The following MAP3K2 variants were observed in gnomAD, a reference collection of about 807,000 sequenced individuals.
MAP3K2 encodes MAP/ERK kinase kinase 2.
In MAP3K2, 24 loss-of-function variants were observed where a neutral mutation model predicts 80.3. The observed-to-expected ratio is 0.30, with a 90% CI of 0.22 to 0.42. MAP3K2 has a LOEUF of 0.42. Among genes scored for constraint, MAP3K2 ranks in the 10% least tolerant of loss-of-function variants. The pLI is 1.00. For synonymous variants in MAP3K2, 244 were observed against 253.7 expected, an observed-to-expected ratio of 0.96 and a Z score of 0.36; for missense variants, 608 against 750.1, an observed-to-expected ratio of 0.81 and a Z score of 2.21.
At chr2:127,385,998 C>T (rs916806789) in intron 1 of MAP3K2, among the ~76,000 whole-genome samples, 1 of 152,202 alleles carries the variant, frequency 6.6e-6, no homozygotes, top group African/African-American at 2.4e-5. Flanking sequence ...TAAGATTCAA[C>T]ATGTTTATAT....
At chr2:127,343,362 CA>C in intron 1 of MAP3K2, 168 bp from the exon 2 acceptor site, 2 of 460,848 alleles carry the variant, frequency 4.3e-6, no homozygotes, top group Non-Finnish European at 7.7e-6. Flanking sequence ...ATCATGTAGG[CA>C]CCCCCTTGCC....
At chr2:127,334,104 AAAAAAC>A (rs1157773740) in intron 5 of MAP3K2, among the ~76,000 whole-genome samples, 2 of 152,144 alleles carry the variant, frequency 1.3e-5, no homozygotes, top group African/African-American at 2.4e-5. Context: ...CGTCTCACAC[AAAAAAC>A]AAAAACAAAA....
chr2:127,384,919 G>A (rs1687317292), intron 1 of MAP3K2, among the ~76,000 whole-genome samples: 1 of 152,042 alleles, frequency 6.6e-6, no homozygotes, highest in African/African-American at 2.4e-5. Context: ...TTATAAGCGT[G>A]ACCCCATTAC....
In MAP3K2 at chr2:127,320,726, G is replaced by A. The variant is rs535887855; in HGVS notation, c.1045+1320C>T. 3.9e-5 allele frequency among the ~76,000 whole-genome samples: 6 copies of A among 152,310 alleles called. No homozygotes were observed. In the East Asian group the frequency reaches 1.2e-3, roughly 29 times the overall value. On this transcript the variant is annotated intron_variant, in intron 12 of 16. Transcript: ENST00000682094. ...GAAAGCAGCTGGGGCAGCTGTGGGG[G>A]AAGAAAGCATATTACATATGGAGGA... is the stretch of plus-strand genomic sequence containing the variant.
At chr2:127,362,140 A>G (rs1483630326) in intron 1 of MAP3K2, among the ~76,000 whole-genome samples, 1 of 152,254 alleles carries the variant, frequency 6.6e-6, no homozygotes, top group East Asian at 1.9e-4. Context: ...GTCATGTTAC[A>G]TACAAAAATA....
chr2:127,316,876 C>T (rs1490084609), intron 14 of MAP3K2: 1 of 152,140 alleles, frequency 6.6e-6, no homozygotes, highest in Non-Finnish European at 1.5e-5. Context: ...AATCCGCATG[C>T]TCATTTCGGC....
At chr2:127,359,136 C>T (rs1176583415) in intron 1 of MAP3K2, among the ~76,000 whole-genome samples, 1 of 152,114 alleles carries the variant, frequency 6.6e-6, no homozygotes, top group African/African-American at 2.4e-5. Context: ...CTATACTATA[C>T]AACACTGTAT....
intron 5 of MAP3K2, among the ~76,000 whole-genome samples, chr2:127,331,515 A>G (rs1243373865): frequency 6.6e-6 from 1 of 152,232 alleles, no homozygotes; most frequent in Non-Finnish European, 1.5e-5. Context: ...TGTCTAATAA[A>G]TCTCACAGTG....
chr2:127,380,063 T>G (rs1011464783), intron 1 of MAP3K2, among the ~76,000 whole-genome samples: 9 of 152,266 alleles, frequency 5.9e-5, no homozygotes, highest in Middle Eastern at 3.4e-3. Flanking sequence ...AACCAGTAAA[T>G]TCAAACCAAA....
Position 127,312,000 on chromosome 2 carries a change from C to A in MAP3K2, c.1456+2754G>T, listed in dbSNP as rs542541088. Among the ~76,000 whole-genome samples, 12 of 152,246 alleles carry A rather than the reference C, an allele frequency of 7.9e-5. 1 individual carries two copies. The highest frequency in any genetic ancestry group is 6.5e-4 in the Admixed American group (10 of 15,284). On this transcript the variant is annotated intron_variant, in intron 15 of 16. Transcript: ENST00000682094. Reference sequence around the variant, plus strand: ...GAATCATTTTAACATGCTCATCTGTCCTATATGTATATTACATAATTCTGT... The same window carrying A: ...GAATCATTTTAACATGCTCATCTGTACTATATGTATATTACATAATTCTGT...
intron 1 of MAP3K2, among the ~76,000 whole-genome samples, chr2:127,367,729 G>A (rs931831707): frequency 3.9e-5 from 6 of 152,130 alleles, no homozygotes; most frequent in African/African-American, 9.7e-5. Context: ...GGAGGCGGAC[G>A]TTGTGGTGAG....
intron 1 of MAP3K2, among the ~76,000 whole-genome samples, chr2:127,381,806 T>A (rs1348882719): frequency 6.6e-6 from 1 of 152,200 alleles, no homozygotes; most frequent in Non-Finnish European, 1.5e-5. Context: ...AAATCACTTA[T>A]TAGGTATTCT....
chr2:127,354,370 CA>C (rs1173397020), intron 1 of MAP3K2, among the ~76,000 whole-genome samples: 1 of 149,466 alleles, frequency 6.7e-6, no homozygotes, highest in Admixed American at 6.7e-5. Context: ...GTATTTATTA[CA>C]AACAGCCAAA....
intron 5 of MAP3K2, among the ~76,000 whole-genome samples, chr2:127,334,415 T>G (rs914789874): frequency 6.6e-6 from 1 of 152,088 alleles, no homozygotes; most frequent in Admixed American, 6.5e-5. Context: ...AGATAATAAT[T>G]CAAGTTCAAG....
chr2:127,341,377 A>C (rs1686483215), intron 2 of MAP3K2, among the ~76,000 whole-genome samples: 1 of 152,052 alleles, frequency 6.6e-6, no homozygotes, highest in African/African-American at 2.4e-5. Flanking sequence ...CCAGTTGAAC[A>C]AAACTTCCCA....
chr2:127,315,811 G>A (rs568579513), intron 14 of MAP3K2, among the ~76,000 whole-genome samples: 2 of 151,820 alleles, frequency 1.3e-5, no homozygotes, highest in Admixed American at 6.6e-5. Context: ...TCGGCTGGGC[G>A]TGGTGGCTCA....
At chr2:127,349,830 T>C (rs1213077038) in intron 1 of MAP3K2, among the ~76,000 whole-genome samples, 28 of 152,134 alleles carry the variant, frequency 1.8e-4, no homozygotes, top group Admixed American at 1.8e-3. Context: ...ATTTAGTATA[T>C]TCTCTTTCAA....
At chr2:127,350,515 T>TA (rs1250773659) in intron 1 of MAP3K2, among the ~76,000 whole-genome samples, 1 of 118,710 alleles carries the variant, frequency 8.4e-6, no homozygotes, top group Non-Finnish European at 1.9e-5. Flanking sequence ...GATAAACAAA[T>TA]AAATCAACAA....
At position 127,307,461 on chromosome 2, in the gene MAP3K2, C is replaced by A; in HGVS notation, c.*118G>T. The A allele has an allele frequency of 1.9e-6, 1 of 513,724 alleles. No homozygotes were observed. Among genetic ancestry groups the A allele is most frequent in the Non-Finnish European group, 3.4e-6 (1 of 292,034 alleles). The allele number at this position is 513,724 out of a possible 1,614,324, so 31.8% of individuals were successfully genotyped here. A position where few individuals can be genotyped will look rare whatever the true frequency, so the allele number is the denominator to read the frequency against. ...AACCAAGAATCAAGAGAAATACTTT[C>A]CCTCTTGTCTTTTTTCTCCCCCATC... On this transcript the variant is annotated 3_prime_UTR_variant, in exon 17 of 17. Transcript: ENST00000682094. This position sits in a 1 kb window ranked among gnomAD's most constrained non-coding sequence, Gnocchi z 5.4.
Sources: gnomAD v4.1 joint callset for allele counts (sites outside exome capture counted in the v4.1 genomes callset) on GRCh38, gnomAD v4.1.1 for gene constraint, Gnocchi (gnomAD v3.1) non-coding constraint, MANE v1.5 for transcripts, NCBI Gene and HGNC (gene_info 2026-07-23, HGNC 2026-07-21) for gene names.